RNF128: variants seen among roughly 807,000 people sequenced by gnomAD.
RNF128 encodes the protein ring finger protein 128.
In RNF128, 13 loss-of-function variants were observed where a neutral mutation model predicts 26.2. The ratio of observed to expected loss-of-function variants is 0.50; its 90% CI spans 0.32 to 0.79. The LOEUF is 0.79. RNF128 is among the 30% of genes least tolerant of loss of function. The probability of loss-of-function intolerance (pLI) is 0.03; values close to 1 mark genes in which losing one functional copy is unlikely to be tolerated. For missense variants in RNF128, 315 were observed against 349.7 expected, an observed-to-expected ratio of 0.90 and a Z score of 0.79; for synonymous variants, 149 against 142.5, an observed-to-expected ratio of 1.05 and a Z score of -0.32.
chrX:106,767,497 G>A (rs1035384852), intron 1 of RNF128, among the ~76,000 whole-genome samples: 4 of 111,134 alleles, frequency 3.6e-5, no homozygotes, highest in African/African-American at 9.8e-5. Context: ...GAGTTCGCTC[G>A]TGATTTGGCT....
chrX:106,699,389 CT>C (rs772661424), intron 1 of RNF128, among the ~76,000 whole-genome samples: 93 of 112,149 alleles, frequency 8.3e-4, no homozygotes, highest in African/African-American at 2.9e-3. Context: ...TTTGTACTTG[CT>C]GCCTCCTCTG....
chrX:106,785,792 T>G (rs1209466207), intron 3 of RNF128, among the ~76,000 whole-genome samples: 1 of 112,295 alleles, frequency 8.9e-6, no homozygotes, highest in African/African-American at 3.2e-5. Context: ...TTAGGACAGT[T>G]GAAAACTACC....
rs558053889 is a variant in RNF128 at position 106,696,758 on chromosome X, C to G, written c.406+2350C>G. On this transcript the variant is annotated intron_variant, in intron 1 of 6. Transcript: ENST00000324342. Reference sequence around the variant, plus strand: ...AGCACTTCCACAATGTTGTGTCTCTCTGCTTCTTTCTAATGTCAGTGCTCT... The same window carrying G: ...AGCACTTCCACAATGTTGTGTCTCTGTGCTTCTTTCTAATGTCAGTGCTCT... 5.7e-4 allele frequency among the ~76,000 whole-genome samples: 64 copies of G among 111,676 alleles called. No homozygotes were observed. In the South Asian group the frequency reaches 0.023, roughly 40 times the overall value.
chrX:106,756,652 A>G (rs1930016057), intron 1 of RNF128, among the ~76,000 whole-genome samples: 1 of 110,211 alleles, frequency 9.1e-6, no homozygotes, highest in Non-Finnish European at 1.9e-5. Flanking sequence ...AAACCTAGGC[A>G]TTACCATTCA....
chrX:106,784,903 A>T (rs1476359247), intron 2 of RNF128, among the ~76,000 whole-genome samples, 162 bp from the exon 3 acceptor site: 2 of 111,915 alleles, frequency 1.8e-5, no homozygotes, highest in East Asian at 2.8e-4. Context: ...GCCTTATATC[A>T]GGTAAATGGG....
intron 6 of RNF128, among the ~76,000 whole-genome samples, chrX:106,794,549 T>C (rs1010036045): frequency 1.9e-4 from 21 of 111,028 alleles, no homozygotes; most frequent in African/African-American, 6.9e-4. Context: ...TTCCCTCTCC[T>C]AGCCCTAGAA....
intron 2 of RNF128, among the ~76,000 whole-genome samples, chrX:106,783,942 C>T (rs1362391025): frequency 4.5e-5 from 5 of 110,887 alleles, no homozygotes; most frequent in African/African-American, 1.6e-4. Flanking sequence ...GAGGGATCCT[C>T]CTCCATGACC....
At chrX:106,772,680 A>G (rs961012842) in intron 1 of RNF128, among the ~76,000 whole-genome samples, 5 of 111,197 alleles carry the variant, frequency 4.5e-5, no homozygotes, top group African/African-American at 9.8e-5. Context: ...TGTTTGTTGT[A>G]TATAATAGCT....
In RNF128 at chrX:106,795,581, T is replaced by C. The variant is rs1409827339; in HGVS notation, c.1155T>C (p.Asn385=). The change falls in exon 7 of 7, where the codon AAT becomes AAC. Residue 385 remains asparagine (N), a splice_region_variant and synonymous_variant. Coordinates refer to ENST00000255499, the MANE Select transcript of RNF128 (RefSeq NM_194463.2). ...TAAAATTGCTATTTCTTTTTAAAGA[T>C]GAAAGTCTACAGCTGGTAAACCATG... ...PPLEEHVQST[N]ESLQLVNHEA... is the part of the protein sequence containing the mutation. 2 of 1,183,145 alleles carry C rather than the reference T, an allele frequency of 1.7e-6. No individual in the cohort carries two copies. The highest frequency in any genetic ancestry group is 2.3e-6 in the Non-Finnish European group (2 of 884,018).
At chrX:106,717,990 A>T (rs1193682594) in intron 1 of RNF128, among the ~76,000 whole-genome samples, 1 of 112,004 alleles carries the variant, frequency 8.9e-6, no homozygotes, top group African/African-American at 3.2e-5. Context: ...CCTCTGTCTT[A>T]GAACTTGGAA....
chrX:106,787,457 A>G (rs1930677151), intron 3 of RNF128, among the ~76,000 whole-genome samples: 1 of 111,033 alleles, frequency 9.0e-6, no homozygotes, highest in Non-Finnish European at 1.9e-5. Context: ...GTTAACTACA[A>G]AGAGTTTAGA....
rs575271656 is a variant in RNF128 at position 106,727,183 on chromosome X, C to T, written c.270C>T (p.Pro90=). ...VAGVLVPPDG[P]GALNACNPHT... is the part of the protein sequence containing the mutation. ...GGGTCCTGGTACCGCCCGACGGGCC[C>T]GGGGCGCTTAACGCCTGTAACCCGC... Residue 90 remains proline, a synonymous_variant, in exon 1 of 7, where the codon CCC becomes CCT. Coordinates refer to ENST00000255499, the MANE Select transcript of RNF128 (RefSeq NM_194463.2). The T allele has an allele frequency of 5.0e-6, 6 of 1,211,114 alleles. No homozygotes were observed. Among genetic ancestry groups the T allele is most frequent in the Middle Eastern group, 2.3e-4 (1 of 4,352 alleles).
At chrX:106,712,075 G>A (rs1043245656) in intron 1 of RNF128, among the ~76,000 whole-genome samples, 2 of 112,355 alleles carry the variant, frequency 1.8e-5, no homozygotes, top group African/African-American at 6.5e-5. Context: ...CTAGCCCACC[G>A]GTGGTGGTTA....
chrX:106,759,343 ATTAC>A (rs1193304197), intron 1 of RNF128, among the ~76,000 whole-genome samples: 3 of 111,882 alleles, frequency 2.7e-5, no homozygotes, highest in Non-Finnish European at 5.7e-5. Flanking sequence ...TGGAATGTAA[ATTAC>A]TACAGCCACT....
At chrX:106,794,021 T>C (rs759261711) in intron 6 of RNF128, among the ~76,000 whole-genome samples, 1 of 111,778 alleles carries the variant, frequency 8.9e-6, no homozygotes, top group South Asian at 3.7e-4. Context: ...TTAGCAATCA[T>C]TGATGCTTCT....
chrX:106,712,195 C>T (rs5962732), intron 1 of RNF128, among the ~76,000 whole-genome samples: 12,635 of 111,391 alleles, frequency 0.11, 1,745 homozygotes, highest in African/African-American at 0.39. Flanking sequence ...CTGAAAAATG[C>T]ATTTCAAAGC....
chrX:106,738,891 C>G lies in RNF128; in HGVS notation c.484+11494C>G, dbSNP rs145146777. Among the ~76,000 whole-genome samples, 118 of 111,909 alleles carry G rather than the reference C, an allele frequency of 1.1e-3. No individual in the cohort carries two copies. The East Asian group carries it at 0.025, about 23-fold the overall frequency. On this transcript the variant is annotated intron_variant, in intron 1 of 6. Transcript: ENST00000255499. ...GATAGCTTGACCATCTCCTTACCCT[C>G]ATCTATAGCCCAGCTTTGGAGATTG...
At chrX:106,732,856 G>A (rs1602371546) in intron 1 of RNF128, among the ~76,000 whole-genome samples, 1 of 111,296 alleles carries the variant, frequency 9.0e-6, no homozygotes. Flanking sequence ...TTATATTTAT[G>A]TCTCCAATTA....
intron 1 of RNF128, among the ~76,000 whole-genome samples, chrX:106,753,794 A>G (rs1929945109): frequency 8.9e-6 from 1 of 112,057 alleles, no homozygotes. Context: ...AACAAAGAGG[A>G]GTAGCTATAC....
Sources: gnomAD v4.1 joint callset for allele counts (sites outside exome capture counted in the v4.1 genomes callset) on GRCh38, gnomAD v4.1.1 for gene constraint, MANE v1.5 for transcripts, NCBI Gene and HGNC (gene_info 2026-07-23, HGNC 2026-07-21) for gene names.